RNF130: variants seen among roughly 807,000 people sequenced by gnomAD.
The protein encoded by RNF130 is E3 ubiquitin-protein ligase RNF130.
Under a neutral mutation model 44.6 loss-of-function variants are expected in RNF130, and 21 were observed. That is an observed-to-expected ratio of 0.47 (90% CI 0.33 to 0.68). RNF130 has a LOEUF of 0.68. Ranked by LOEUF, RNF130 falls within the 30% of genes least tolerant of loss-of-function variation. RNF130 has a pLI of 0.02. For synonymous variants in RNF130, 214 were observed against 210.4 expected (o/e 1.02, Z -0.15); for missense variants, 479 against 560.6 (o/e 0.85, Z 1.47).
At chr5:179,928,240 A>G (rs1761734286) in intron 7 of RNF130, among the ~76,000 whole-genome samples, 2 of 152,164 alleles carry the variant, frequency 1.3e-5, no homozygotes, top group African/African-American at 2.4e-5. Context: ...TTAGGTGTGC[A>G]TATTTTCAGC....
rs1042554937 is a variant in RNF130, at chr5:179,963,661, C to T, written c.1151-97G>A. ...TCAAATGCAACGAAGCAGACGTCAACGGAGGTGTAAGCCAAGATTGGCCCA... is the reference window on the plus strand; with the variant it reads ...TCAAATGCAACGAAGCAGACGTCAATGGAGGTGTAAGCCAAGATTGGCCCA... On this transcript the variant is annotated intron_variant, in intron 7 of 8. Transcript: ENST00000521389. The T allele has an allele frequency of 4.1e-5, 36 of 871,772 alleles. No homozygotes were observed. The East Asian group carries it at 7.7e-4, about 19-fold the overall frequency. 54.0% of individuals were successfully genotyped at this position (871,772 alleles called of 1,614,324 possible). A position where few individuals can be genotyped will look rare whatever the true frequency, so the allele number is the denominator to read the frequency against.
intron 1 of RNF130, among the ~76,000 whole-genome samples, chr5:180,042,656 C>T (rs1764453383): frequency 6.6e-6 from 1 of 152,150 alleles, no homozygotes; most frequent in African/African-American, 2.4e-5. Context: ...CGGGGAATAA[C>T]CAAGGAACTG....
intron 7 of RNF130, chr5:179,934,124 C>T (rs1017295637): frequency 4.0e-6 from 1 of 248,864 alleles, no homozygotes; most frequent in South Asian, 4.7e-5. Context: ...CTAATAAGAA[C>T]CTGGTGTTTG....
chr5:180,060,379 C>T (rs1764944286), intron 1 of RNF130, among the ~76,000 whole-genome samples: 1 of 152,202 alleles, frequency 6.6e-6, no homozygotes, highest in South Asian at 2.1e-4. Context: ...GAACAAAGTA[C>T]ATAGAGTATC....
intron 1 of RNF130, among the ~76,000 whole-genome samples, chr5:180,050,110 GC>G (rs1345668122): frequency 6.6e-6 from 1 of 152,180 alleles, no homozygotes; most frequent in Non-Finnish European, 1.5e-5. Flanking sequence ...TGTAGGCAGG[GC>G]CACTCTCCCT....
At chr5:179,980,307 C>T (rs759545024) in intron 3 of RNF130, 107 bp from the exon 4 acceptor site, 5 of 931,940 alleles carry the variant, frequency 5.4e-6, no homozygotes, top group Non-Finnish European at 8.6e-6. Flanking sequence ...CTACATCCCT[C>T]TCCATGTCCT....
chr5:179,974,589 G>T (rs958023518), intron 5 of RNF130, among the ~76,000 whole-genome samples: 1 of 152,214 alleles, frequency 6.6e-6, no homozygotes, highest in East Asian at 1.9e-4. Context: ...CTTGTGAATC[G>T]TTAAGGAAAG....
chr5:180,063,190 T>C (rs1389619637), intron 1 of RNF130, among the ~76,000 whole-genome samples: 3 of 152,012 alleles, frequency 2.0e-5, no homozygotes, highest in Non-Finnish European at 4.4e-5. Flanking sequence ...TTGGCTACTA[T>C]AGAAGAAAAG....
intron 5 of RNF130, among the ~76,000 whole-genome samples, chr5:179,975,102 C>G (rs1399040283): frequency 1.3e-5 from 2 of 151,980 alleles, no homozygotes; most frequent in Admixed American, 6.6e-5. Flanking sequence ...CGTGGGAAGA[C>G]GGTGAGGGAA....
intron 6 of RNF130, among the ~76,000 whole-genome samples, chr5:179,969,852 G>C (rs2113706971): frequency 6.6e-6 from 1 of 152,272 alleles, no homozygotes; most frequent in East Asian, 1.9e-4. Flanking sequence ...TTAGCCAGGG[G>C]TGGTGACGGG....
intron 1 of RNF130, among the ~76,000 whole-genome samples, chr5:180,048,380 A>T (rs1316666144): frequency 6.6e-6 from 1 of 152,168 alleles, no homozygotes; most frequent in East Asian, 1.9e-4. Flanking sequence ...TATTATTATC[A>T]AAGGCTACAG....
At chr5:179,912,351 C>T (rs932040622) in exon 8 of RNF130, 3 of 152,256 alleles carry the variant, frequency 2.0e-5, no homozygotes, top group African/African-American at 7.2e-5. Context: ...TACCTCAAAT[C>T]TCATTTCCTA....
chr5:180,031,042 C>T (rs1337222814), intron 2 of RNF130, among the ~76,000 whole-genome samples: 5 of 152,206 alleles, frequency 3.3e-5, no homozygotes, highest in African/African-American at 1.2e-4. Context: ...ATGTGACCAA[C>T]TTCCACTTAA....
chr5:179,978,129 G>A (rs764293991), intron 5 of RNF130, 74 bp downstream of exon 5: 2 of 1,285,852 alleles, frequency 1.6e-6, no homozygotes, highest in Non-Finnish European at 2.3e-6. Context: ...AAGCAAGGGA[G>A]ATGCCCACCC....
intron 7 of RNF130, among the ~76,000 whole-genome samples, chr5:179,922,494 A>T (rs59577461): frequency 6.6e-6 from 1 of 151,782 alleles, no homozygotes; most frequent in Admixed American, 6.6e-5. Context: ...TGTATTTTTA[A>T]TAGAGATGGG....
chr5:179,939,824 T>C lies in RNF130; in HGVS notation c.1151-19398A>G, dbSNP rs17079813. On this transcript the variant is annotated intron_variant, in intron 7 of 7. Transcript: ENST00000522208. ...GGTCTTCAAAGAAGTTGAATGAAAA[T>C]GGGTCCCTCCCACCAAAAATTCCCT... The C allele has an allele frequency of 8.8e-3, 3,299 of 375,188 alleles. 105 individuals carry two copies. The highest frequency in any genetic ancestry group is 0.067 in the African/African-American group (3,058 of 45,860). 23.2% of individuals were successfully genotyped at this position (375,188 alleles called of 1,614,324 possible). A position where few individuals can be genotyped will look rare whatever the true frequency, so the allele number is the denominator to read the frequency against.
intron 7 of RNF130, among the ~76,000 whole-genome samples, chr5:179,926,626 C>T (rs182085): frequency 0.42 from 64,400 of 151,770 alleles, 14,489 homozygotes; most frequent in East Asian, 0.76. Context: ...CCAGCCTGGG[C>T]GACAGAACAA....
At chr5:180,030,506 G>A (rs750757934) in intron 2 of RNF130, among the ~76,000 whole-genome samples, 3 of 152,078 alleles carry the variant, frequency 2.0e-5, no homozygotes, top group South Asian at 2.1e-4. Context: ...CACTCACGCC[G>A]TTTTTAAAAA....
intron 4 of RNF130, among the ~76,000 whole-genome samples, chr5:179,978,681 TAAA>T (rs1762766943): frequency 6.6e-6 from 1 of 152,188 alleles, no homozygotes; most frequent in Non-Finnish European, 1.5e-5. Flanking sequence ...GATGTTCACT[TAAA>T]CACACACCTA....
Sources: gnomAD v4.1 joint callset for allele counts (sites outside exome capture counted in the v4.1 genomes callset) on GRCh38, gnomAD v4.1.1 for gene constraint, MANE v1.5 for transcripts, NCBI Gene and HGNC (gene_info 2026-07-23, HGNC 2026-07-21) for gene names.